LRRC4C: variants seen among roughly 807,000 people sequenced by gnomAD.
LRRC4C encodes the protein leucine rich repeat containing 4C, also known as leucine-rich repeat-containing protein 4C.
In LRRC4C, 5 loss-of-function variants were observed where a neutral mutation model predicts 33.6. The ratio of observed to expected loss-of-function variants is 0.15; its 90% CI spans 0.08 to 0.31. The LOEUF (loss-of-function observed/expected upper bound fraction) is 0.31. LRRC4C is among the 10% of genes least tolerant of loss of function. The probability of loss-of-function intolerance (pLI) is 1.00; values close to 1 mark genes in which losing one functional copy is unlikely to be tolerated. For missense variants in LRRC4C, 560 were observed against 796.7 expected (o/e 0.70, Z 3.58); for synonymous variants, 329 against 302.0 (o/e 1.09, Z -0.93).
intron 3 of LRRC4C, among the ~76,000 whole-genome samples, chr11:40,413,179 C>A (rs989350350): frequency 6.6e-6 from 1 of 151,918 alleles, no homozygotes; most frequent in Non-Finnish European, 1.5e-5. Context: ...TCATCAAGTG[C>A]TAAGCTGGGT....
At chr11:41,424,755 T>G (rs991493924) in intron 1 of LRRC4C, among the ~76,000 whole-genome samples, 1 of 152,112 alleles carries the variant, frequency 6.6e-6, no homozygotes, top group Non-Finnish European at 1.5e-5. Context: ...TCGAAAACCC[T>G]GAAGAAAGGT....
chr11:40,117,045 T>C (rs560123010), intron 6 of LRRC4C, among the ~76,000 whole-genome samples: 1 of 152,320 alleles, frequency 6.6e-6, no homozygotes, highest in East Asian at 1.9e-4. Flanking sequence ...TTGCCATTCT[T>C]TTCATTTTCA....
chr11:41,287,807 A>T (rs1305755532), intron 1 of LRRC4C, among the ~76,000 whole-genome samples: 2 of 152,156 alleles, frequency 1.3e-5, no homozygotes, highest in Non-Finnish European at 2.9e-5. Flanking sequence ...CACATAAGTA[A>T]ATCTCCCCTG....
At chr11:40,993,228 T>C (rs998174748) in intron 1 of LRRC4C, among the ~76,000 whole-genome samples, 3 of 152,194 alleles carry the variant, frequency 2.0e-5, no homozygotes, top group African/African-American at 4.8e-5. Flanking sequence ...TTTGGAGATA[T>C]CTTTTGTTCT....
intron 2 of LRRC4C, among the ~76,000 whole-genome samples, chr11:40,905,984 ACT>A (rs1956397318): frequency 6.6e-6 from 1 of 152,138 alleles, no homozygotes; most frequent in African/African-American, 2.4e-5. Context: ...TGAAAGTAAG[ACT>A]CAACCCAGTG....
At chr11:40,449,583 A>T (rs566800380) in intron 3 of LRRC4C, among the ~76,000 whole-genome samples, 22 of 152,288 alleles carry the variant, frequency 1.4e-4, no homozygotes, top group Non-Finnish European at 2.9e-4. Context: ...TCACTTGTTT[A>T]ATCCAGAATC....
At chr11:40,804,914 C>G (rs568584566) in intron 2 of LRRC4C, among the ~76,000 whole-genome samples, 25 of 152,232 alleles carry the variant, frequency 1.6e-4, no homozygotes, top group African/African-American at 6.0e-4. Flanking sequence ...TTGGATGGGG[C>G]TGGGTTTTTT....
intron 5 of LRRC4C, among the ~76,000 whole-genome samples, chr11:40,182,513 A>G (rs1436762400): frequency 1.3e-5 from 2 of 152,224 alleles, no homozygotes; most frequent in Non-Finnish European, 2.9e-5. Flanking sequence ...AGAATAAGTA[A>G]TTTTCCAAAA....
At chr11:40,655,475 G>T (rs138871539) in intron 2 of LRRC4C, among the ~76,000 whole-genome samples, 39 of 152,268 alleles carry the variant, frequency 2.6e-4, no homozygotes, top group African/African-American at 8.7e-4. Context: ...GCTCTGTTCA[G>T]TAGGAAAAAT....
chr11:40,424,432 G>C (rs1463382918), intron 3 of LRRC4C, among the ~76,000 whole-genome samples: 1 of 152,196 alleles, frequency 6.6e-6, no homozygotes, highest in Non-Finnish European at 1.5e-5. Context: ...TCTATTTTTA[G>C]GGCCTCATGA....
rs139508181 is a variant in LRRC4C at position 40,908,325 on chromosome 11, T to C, written c.-407+25310A>G. ...ATGCCACAAGCCAAAAAAAGCATAC[T>C]TTCCTTCTTGAATGAAAAATCACTA... On this transcript the variant is annotated intron_variant, in intron 2 of 6. Coordinates refer to ENST00000528697, the MANE Select transcript of LRRC4C (RefSeq NM_001258419.2). Among the ~76,000 whole-genome samples the C allele has an allele frequency of 2.5e-3, 384 of 152,222 alleles. 1 individual carries two copies. Among genetic ancestry groups the C allele is most frequent in the African/African-American group, 8.8e-3 (366 of 41,564 alleles).
intron 1 of LRRC4C, among the ~76,000 whole-genome samples, chr11:41,359,728 A>T (rs989004504): frequency 1.3e-5 from 2 of 152,202 alleles, no homozygotes; most frequent in Non-Finnish European, 2.9e-5. Flanking sequence ...AAAATAAATC[A>T]TAGAGAAGGA....
chr11:40,207,024 C>A (rs1863210654), intron 5 of LRRC4C, among the ~76,000 whole-genome samples: 1 of 152,110 alleles, frequency 6.6e-6, no homozygotes, highest in Admixed American at 6.6e-5. Flanking sequence ...ACAGTGATGG[C>A]AGCCCTCCAT....
At chr11:40,972,054 T>C (rs746913560) in intron 1 of LRRC4C, among the ~76,000 whole-genome samples, 1 of 152,200 alleles carries the variant, frequency 6.6e-6, no homozygotes, top group Non-Finnish European at 1.5e-5. Flanking sequence ...ACTAGCCTTT[T>C]CTTAAATGAG....
intron 3 of LRRC4C, among the ~76,000 whole-genome samples, chr11:40,561,606 G>T (rs940742612): frequency 1.8e-4 from 28 of 151,834 alleles, no homozygotes; most frequent in African/African-American, 6.3e-4. Flanking sequence ...TAGAGACGGG[G>T]TTTCGTCGTG....
chr11:40,937,480 T>A (rs1336644458), intron 1 of LRRC4C, among the ~76,000 whole-genome samples: 1 of 150,874 alleles, frequency 6.6e-6, no homozygotes, highest in Admixed American at 6.6e-5. Flanking sequence ...AAGTTGAAAT[T>A]AAAAAAAAAT....
chr11:40,415,436 C>T (rs1950293412), intron 3 of LRRC4C, among the ~76,000 whole-genome samples: 1 of 152,166 alleles, frequency 6.6e-6, no homozygotes, highest in Admixed American at 6.6e-5. Flanking sequence ...TCCACCCTTC[C>T]TTGCTGCCCC....
chr11:41,304,467 C>T (rs1950406321), intron 1 of LRRC4C, among the ~76,000 whole-genome samples: 1 of 94,864 alleles, frequency 1.1e-5, no homozygotes. Context: ...CCGGCCGCCC[C>T]TACTGGGAAG....
chr11:40,527,497 T>C (rs974224379), intron 3 of LRRC4C, among the ~76,000 whole-genome samples: 4 of 152,118 alleles, frequency 2.6e-5, no homozygotes, highest in Non-Finnish European at 4.4e-5. Context: ...ATTAAATTGG[T>C]AAGATTTGCT....
Sources: gnomAD v4.1 joint callset for allele counts (sites outside exome capture counted in the v4.1 genomes callset) on GRCh38, gnomAD v4.1.1 for gene constraint, MANE v1.5 for transcripts, NCBI Gene and HGNC (gene_info 2026-07-23, HGNC 2026-07-21) for gene names.